Variants in HDX observed in about 807,000 individuals in gnomAD.
HDX encodes the protein highly divergent homeobox.
A neutral mutation model predicts 45.2 loss-of-function variants in HDX; 19 were observed. The observed-to-expected ratio is 0.42, with a 90% confidence interval of 0.29 to 0.62. HDX has a LOEUF of 0.62. HDX is among the 20% of genes least tolerant of loss of function. HDX has a pLI of 0.20. For missense variants in HDX, 532 were observed against 493.9 expected (o/e 1.08, Z -0.73); for synonymous variants, 188 against 172.8 (o/e 1.09, Z -0.69).
chrX:84,379,672 T>G (rs1177089551), intron 5 of HDX, among the ~76,000 whole-genome samples: 1 of 111,326 alleles, frequency 9.0e-6, no homozygotes, highest in Non-Finnish European at 1.9e-5. Context: ...CTTTAAAATT[T>G]TTTTGAAACA....
intron 2 of HDX, among the ~76,000 whole-genome samples, chrX:84,478,113 A>G (rs2040594776): frequency 9.0e-6 from 1 of 111,645 alleles, no homozygotes; most frequent in Admixed American, 9.5e-5. Context: ...TGATATATGA[A>G]CTCATTTGTG....
intron 1 of HDX, among the ~76,000 whole-genome samples, chrX:84,501,700 T>C (rs183708181): frequency 6.2e-5 from 7 of 112,233 alleles, no homozygotes; most frequent in Admixed American, 1.9e-4. Context: ...ATTTACTCAG[T>C]AGGCCAGTTT....
chrX:84,349,898 A>T (rs1342060731), intron 6 of HDX, among the ~76,000 whole-genome samples: 1 of 109,735 alleles, frequency 9.1e-6, no homozygotes, highest in African/African-American at 3.3e-5. Context: ...AATAATAGAC[A>T]ATGAAAACTC....
intron 7 of HDX, among the ~76,000 whole-genome samples, chrX:84,339,480 T>C (rs1196154138): frequency 3.6e-5 from 4 of 111,592 alleles, no homozygotes; most frequent in African/African-American, 1.3e-4. Flanking sequence ...TTGTACATGG[T>C]TTGATTATTT....
chrX:84,325,996 G>C, intron 10 of HDX, among the ~76,000 whole-genome samples, 182 bp downstream of exon 10: 1 of 111,534 alleles, frequency 9.0e-6, no homozygotes, highest in Non-Finnish European at 1.9e-5. Context: ...CACTGAAGGA[G>C]CACACAAAAT....
In HDX at chrX:84,417,954, T is replaced by C. The variant is rs1449425913; in HGVS notation, c.1305+22578A>G. Among the ~76,000 whole-genome samples, 3 of 112,285 alleles carry C rather than the reference T, an allele frequency of 2.7e-5. No homozygotes were observed. In the Admixed American group the frequency reaches 2.8e-4, roughly 11 times the overall value. Reference sequence around the variant, plus strand: ...CTGTACTCCTCAAGGGGCTGGTTTATATCCTTTGCATTGTGGAGTGCTGAG... The same window carrying C: ...CTGTACTCCTCAAGGGGCTGGTTTACATCCTTTGCATTGTGGAGTGCTGAG... On this transcript the variant is annotated intron_variant, in intron 5 of 10. Transcript: ENST00000373177.
At chrX:84,395,127 G>A (rs1237321758) in intron 5 of HDX, among the ~76,000 whole-genome samples, 4 of 110,466 alleles carry the variant, frequency 3.6e-5, no homozygotes, top group African/African-American at 1.3e-4. Context: ...TAAGAGTTGA[G>A]TCTTTTTTCT....
intron 5 of HDX, among the ~76,000 whole-genome samples, chrX:84,370,543 G>A (rs931534109): frequency 1.8e-5 from 2 of 112,210 alleles, no homozygotes; most frequent in African/African-American, 3.2e-5. Flanking sequence ...AGTCTCTGGA[G>A]TTCTGGCATC....
rs1448485677 is a variant in HDX at position 84,404,709 on chromosome X, C to G, written c.1305+35823G>C. Among the ~76,000 whole-genome samples, 3 of 111,236 alleles carry G rather than the reference C, an allele frequency of 2.7e-5. No homozygotes were observed. In the East Asian group the frequency reaches 8.5e-4, roughly 31 times the overall value. On this transcript the variant is annotated intron_variant, in intron 5 of 10. Transcript: ENST00000373177. ...GTCATACAAATATTTATACTTTTAA[C>G]TACATTTATACTTCCAGTTTCTTAA...
chrX:84,374,618 A>C (rs1458982430), intron 5 of HDX, among the ~76,000 whole-genome samples: 3 of 102,803 alleles, frequency 2.9e-5, no homozygotes, highest in Non-Finnish European at 5.9e-5. Flanking sequence ...ATCTTTGACT[A>C]ACCTGAGAAA....
chrX:84,476,395 A>G (rs2040552028), intron 2 of HDX, among the ~76,000 whole-genome samples: 1 of 109,528 alleles, frequency 9.1e-6, no homozygotes, highest in Non-Finnish European at 1.9e-5. Context: ...ACAGCAACAC[A>G]TTAGTTGGGC....
chrX:84,488,129 G>A lies in HDX; in HGVS notation c.-106C>T, dbSNP rs1361237403. ...TCTCTTAAAATTTTGTCCAGAGATT[G>A]TAGCTGTAATAATCAGGAGAGAAGG... is the stretch of plus-strand genomic sequence containing the variant. On this transcript the variant is annotated 5_prime_UTR_variant, in exon 2 of 11. Coordinates refer to ENST00000373177, the MANE Select transcript of HDX (RefSeq NM_001177479.2). The A allele has an allele frequency of 9.0e-6, 1 of 111,527 alleles. No homozygotes were observed. The highest frequency in any genetic ancestry group is 2.8e-4 in the East Asian group (1 of 3,571). The allele number at this position is 111,527 out of a possible 1,213,427, so 9.2% of individuals were successfully genotyped here. A position where few individuals can be genotyped will look rare whatever the true frequency, so the allele number is the denominator to read the frequency against.
chrX:84,441,919 G>T lies in HDX; in HGVS notation c.1252-1334C>A, dbSNP rs539036105. 7.2e-5 allele frequency among the ~76,000 whole-genome samples: 8 copies of T among 111,208 alleles called. 1 individual carries two copies. The South Asian group carries it at 3.0e-3, about 42-fold the overall frequency. ...CCTACAAATCCTATTCAACTGTATG[G>T]TAGTCCTTTTTTAGGTAGAAACCAC... On this transcript the variant is annotated intron_variant, in intron 4 of 10. Coordinates refer to ENST00000373177, the MANE Select transcript of HDX (RefSeq NM_001177479.2).
At chrX:84,439,948 C>T (rs982439852) in intron 5 of HDX, 3 of 111,319 alleles carry the variant, frequency 2.7e-5, no homozygotes, top group African/African-American at 9.8e-5. Context: ...TATATAGGGA[C>T]CAGTCACATC....
intron 2 of HDX, among the ~76,000 whole-genome samples, chrX:84,479,730 G>A (rs1317225541): frequency 9.0e-6 from 1 of 111,625 alleles, no homozygotes; most frequent in Admixed American, 9.5e-5. Flanking sequence ...ATTTATTACA[G>A]TCAATTTTTT....
At chrX:84,358,266 A>T (rs1225012712) in intron 6 of HDX, among the ~76,000 whole-genome samples, 1 of 112,066 alleles carries the variant, frequency 8.9e-6, no homozygotes, top group African/African-American at 3.2e-5. Context: ...GCTATTGCAA[A>T]ATGGTAGGAA....
chrX:84,438,086 C>A (rs2039679533), intron 5 of HDX, among the ~76,000 whole-genome samples: 1 of 111,161 alleles, frequency 9.0e-6, no homozygotes, highest in Admixed American at 9.6e-5. Context: ...CCAAAGCTTT[C>A]TTGTATTGCT....
chrX:84,461,122 C>A (rs2040228174), intron 4 of HDX, among the ~76,000 whole-genome samples: 2 of 111,178 alleles, frequency 1.8e-5, no homozygotes, highest in South Asian at 7.6e-4. Context: ...AGATTCAATT[C>A]AATCCCCGTC....
chrX:84,495,040 G>A (rs762795872), intron 1 of HDX, among the ~76,000 whole-genome samples: 17 of 110,590 alleles, frequency 1.5e-4, no homozygotes, highest in Non-Finnish European at 2.1e-4. Flanking sequence ...CTTGTAATTT[G>A]CAACTACATA....
Sources: allele counts gnomAD v4.1 joint callset (sites outside exome capture counted in the v4.1 genomes callset), GRCh38; gene constraint gnomAD v4.1.1; transcripts MANE v1.5; gene names NCBI Gene and HGNC (gene_info 2026-07-23, HGNC 2026-07-21).